SCYL3: variants seen among roughly 807,000 people sequenced by gnomAD.
SCYL3 encodes protein-associating with the carboxyl-terminal domain of ezrin.
Under a neutral mutation model 73.8 loss-of-function variants are expected in SCYL3, and 35 were observed. The ratio of observed to expected loss-of-function variants is 0.47; its 90% CI spans 0.36 to 0.63. SCYL3 has a LOEUF of 0.63. SCYL3 is among the 20% of genes least tolerant of loss of function. SCYL3 has a pLI of 0.00. For missense variants in SCYL3, 712 were observed against 798.9 expected (o/e 0.89, Z 1.31); for synonymous variants, 277 against 295.2 (o/e 0.94, Z 0.63).
chr1:169,888,164 C>T (rs1315167068), intron 2 of SCYL3, among the ~76,000 whole-genome samples: 1 of 152,222 alleles, frequency 6.6e-6, no homozygotes. Flanking sequence ...GACTTACATT[C>T]CACAGTAAAA....
Position 169,853,679 on chromosome 1 carries a change from A to C in SCYL3, c.*34T>G, listed in dbSNP as rs1394009127. ...TATTGATTTTTTTTAAAAAAAGGGA[A>C]TCCTTTTTCCTAAAGTTTAACTCAC... On this transcript the variant is annotated 3_prime_UTR_variant, in exon 13 of 13. Transcript: ENST00000367771. 2.5e-6 allele frequency: 4 copies of C among 1,603,190 alleles called. No individual in the cohort carries two copies. Among genetic ancestry groups the C allele is most frequent in the African/African-American group, 1.3e-5 (1 of 74,420 alleles).
chr1:169,856,700 C>G (rs1659200572), intron 11 of SCYL3, among the ~76,000 whole-genome samples: 1 of 152,172 alleles, frequency 6.6e-6, no homozygotes, highest in South Asian at 2.1e-4. Context: ...CTTCTCTGAA[C>G]CATGTTCTCC....
chr1:169,868,394 T>C (rs1263431320), intron 7 of SCYL3, among the ~76,000 whole-genome samples: 1 of 152,354 alleles, frequency 6.6e-6, no homozygotes, highest in Non-Finnish European at 1.5e-5. Context: ...AAACTAACCT[T>C]GAAGAAGGGT....
intron 10 of SCYL3, among the ~76,000 whole-genome samples, chr1:169,861,509 C>T (rs1044031383): frequency 6.6e-6 from 1 of 152,156 alleles, no homozygotes; most frequent in Non-Finnish European, 1.5e-5. Context: ...CAACCCTTGT[C>T]GGGCCCCAGA....
intron 2 of SCYL3, 101 bp from the exon 3 acceptor site, chr1:169,878,920 A>G: frequency 9.2e-7 from 1 of 1,092,624 alleles, no homozygotes. Flanking sequence ...ACTTGCAGTT[A>G]AGGCTCTTTT....
At position 169,851,667 on chromosome 1, in the gene SCYL3, T is replaced by G; in HGVS notation, c.*2046A>C. The G allele has an allele frequency of 1.2e-6, 1 of 853,990 alleles. No homozygotes were observed. The allele number at this position is 853,990 out of a possible 1,614,324, so 52.9% of individuals were successfully genotyped here. ...CACAGTAGAGTGATTTAATCCAGAT[T>G]ATACTAAGAGTATTTATAGATCAGT... On this transcript the variant is annotated 3_prime_UTR_variant, in exon 13 of 13. Transcript: ENST00000367771.
rs115803695 is a variant in SCYL3, at chr1:169,881,472, C to T, written c.166-2653G>A. Among the ~76,000 whole-genome samples, 1,042 of 152,258 alleles carry T rather than the reference C, an allele frequency of 6.8e-3. 11 individuals carry two copies. The highest frequency in any genetic ancestry group is 0.023 in the African/African-American group (970 of 41,534). On this transcript the variant is annotated intron_variant, in intron 2 of 12. Transcript: ENST00000367771. ...TCTCTTCTAGTTATGTAAAAATATA[C>T]AATCGATTACTGTAAACTAGTCATC...
In SCYL3 at chr1:169,854,648, C is replaced by G; in HGVS notation, c.1629G>C (p.Gly543=). 3.1e-6 allele frequency: 5 copies of G among 1,614,102 alleles called. No homozygotes were observed. The highest frequency in any genetic ancestry group is 4.2e-6 in the Non-Finnish European group (5 of 1,179,984). Residue 543 remains glycine (G), a synonymous_variant, in exon 12 of 13, where the codon GGG becomes GGC. Transcript: ENST00000367771. ...GITATKPVTS[G]EQKPIPALLS... is the part of the protein sequence containing the mutation. ...GCAAAGCAGGAATAGGCTTCTGCTCCCCTGAGGTAACAGGTTTTGTAGCAG... is the reference window on the plus strand; with the variant it reads ...GCAAAGCAGGAATAGGCTTCTGCTCGCCTGAGGTAACAGGTTTTGTAGCAG...
chr1:169,855,137 A>ATGT (rs1491114397), intron 11 of SCYL3, among the ~76,000 whole-genome samples, 173 bp from the exon 12 acceptor site: 1 of 152,192 alleles, frequency 6.6e-6, no homozygotes, highest in Non-Finnish European at 1.5e-5. Flanking sequence ...ACGATGTCAC[A>ATGT]TGTTATCCAA....
At chr1:169,879,189 C>T (rs11579102) in intron 2 of SCYL3, among the ~76,000 whole-genome samples, 16,364 of 152,214 alleles carry the variant, frequency 0.11, 1,043 homozygotes, top group Admixed American at 0.19. Context: ...CCTGAAGAAG[C>T]GACACCCATG....
intron 5 of SCYL3, among the ~76,000 whole-genome samples, chr1:169,870,816 C>T (rs1382405527): frequency 6.6e-6 from 1 of 151,826 alleles, no homozygotes; most frequent in South Asian, 2.1e-4. Flanking sequence ...CCGCAAATCA[C>T]CGATTTTAAA....
In SCYL3 at chr1:169,859,188, T is replaced by G; in HGVS notation, c.1165A>C (p.Ser389Arg). 6.2e-7 allele frequency: 1 copy of G among 1,612,804 alleles called. No homozygotes were observed. Among genetic ancestry groups the G allele is most frequent in the Non-Finnish European group, 8.5e-7 (1 of 1,179,554 alleles). ...PQVLLGLRDT[S>R]DSIVAITLHS... ...AGAGTAATTGCCACAATGGAATCGC[T>G]AGTATCACGCAGGCCCAGCAAAACC... The change falls in exon 11 of 13, where the codon AGC becomes CGC. Residue 389 changes from serine to arginine, a missense_variant. By Grantham distance (110) the Ser-to-Arg change is moderately radical (BLOSUM62 -1). Transcript: ENST00000367771.
chr1:169,866,209 CA>C (rs1660023248), intron 8 of SCYL3, among the ~76,000 whole-genome samples: 1 of 152,178 alleles, frequency 6.6e-6, no homozygotes, highest in Admixed American at 6.5e-5. Context: ...TAAGGCTTCT[CA>C]GCTTTATCTT....
At position 169,864,934 on chromosome 1, in the gene SCYL3, C is replaced by T. The variant is rs548727034; in HGVS notation, c.816-426G>A. Reference sequence around the variant, plus strand: ...GCAGTGAGCTGAGATCATGTCACTGCACTCCAGCCTGGGTGACAGGGTGAG... The same window carrying T: ...GCAGTGAGCTGAGATCATGTCACTGTACTCCAGCCTGGGTGACAGGGTGAG... On this transcript the variant is annotated intron_variant, in intron 8 of 12. Transcript: ENST00000367771. 2.7e-5 allele frequency among the ~76,000 whole-genome samples: 4 copies of T among 149,936 alleles called. No individual in the cohort carries two copies. The South Asian group carries it at 6.3e-4, about 24-fold the overall frequency.
At chr1:169,871,834 A>T (rs1660428143) in intron 5 of SCYL3, among the ~76,000 whole-genome samples, 1 of 152,210 alleles carries the variant, frequency 6.6e-6, no homozygotes, top group Non-Finnish European at 1.5e-5. Context: ...GCCCTAAAGA[A>T]CTGTGGAACT....
intron 1 of SCYL3, among the ~76,000 whole-genome samples, chr1:169,889,256 A>T (rs776208701): frequency 2.6e-5 from 4 of 152,242 alleles, no homozygotes; most frequent in Non-Finnish European, 5.9e-5. Flanking sequence ...TTACTCAAAA[A>T]CAATAAAACT....
At chr1:169,893,717 C>G (rs1662253581) in intron 1 of SCYL3, 71 bp downstream of exon 1, 2 of 151,644 alleles carry the variant, frequency 1.3e-5, no homozygotes, top group African/African-American at 4.8e-5. Context: ...GCCGCCTCCT[C>G]CCCGCCCGGC....
rs1362424990 is a variant in SCYL3, at chr1:169,883,156, G to A, written c.166-4337C>T. On this transcript the variant is annotated intron_variant, in intron 2 of 12. Coordinates refer to ENST00000367771, the MANE Select transcript of SCYL3 (RefSeq NM_020423.7). Reference sequence around the variant, plus strand: ...ATGAGAAGGAACAAACTCCAGACACGCCACCTTTAAGAACTGTAACACTCA... The same window carrying A: ...ATGAGAAGGAACAAACTCCAGACACACCACCTTTAAGAACTGTAACACTCA... 5.3e-5 allele frequency among the ~76,000 whole-genome samples: 8 copies of A among 151,902 alleles called. No individual in the cohort carries two copies. The East Asian group carries it at 9.6e-4, about 18-fold the overall frequency.
chr1:169,854,950 G>T lies in SCYL3; in HGVS notation c.1327C>A (p.Gln443Lys), dbSNP rs1337269305. The T allele has an allele frequency of 1.2e-6, 2 of 1,604,528 alleles. No homozygotes were observed. The highest frequency in any genetic ancestry group is 4.5e-5 in the East Asian group (2 of 44,830). ...CCATTTATGGGAAATTTAATAGGCT[G>T]AGAAAATGGATCGCCTGTAGGGAAA... ...DLSLEGDPFSQPIKFPINGLS... is the reference protein window; with the variant it reads ...DLSLEGDPFSKPIKFPINGLS... Residue 443 changes from glutamine (Q) to lysine (K), a missense_variant, in exon 12 of 13, where the codon CAG (glutamine) becomes AAG (lysine). Gln to Lys is a moderately conservative substitution (Grantham distance 53). Transcript: ENST00000367771.
Sources: allele counts gnomAD v4.1 joint callset (sites outside exome capture counted in the v4.1 genomes callset), GRCh38; gene constraint gnomAD v4.1.1; transcripts MANE v1.5; gene names NCBI Gene and HGNC (gene_info 2026-07-23, HGNC 2026-07-21).